PALLD: variants seen among roughly 807,000 people sequenced by gnomAD.
The protein encoded by PALLD is palladin.
In PALLD, 61 loss-of-function variants were observed where a neutral mutation model predicts 123.5. The ratio of observed to expected loss-of-function variants is 0.49; its 90% CI spans 0.40 to 0.61. The LOEUF is 0.61. PALLD is among the 20% of genes least tolerant of loss of function. PALLD has a pLI of 0.00. For synonymous variants in PALLD, 465 were observed against 496.4 expected, an observed-to-expected ratio of 0.94 and a Z score of 0.84; for missense variants, 1,273 against 1,377.0, an observed-to-expected ratio of 0.92 and a Z score of 1.20.
intron 2 of PALLD, among the ~76,000 whole-genome samples, chr4:168,567,400 C>G (rs1026502343): frequency 6.6e-6 from 1 of 151,274 alleles, no homozygotes. Flanking sequence ...CACAAATGGC[C>G]AAAAAACATA....
intron 10 of PALLD, chr4:168,878,301 A>G: frequency 2.0e-6 from 3 of 1,526,986 alleles, no homozygotes; most frequent in Non-Finnish European, 2.6e-6. Flanking sequence ...GGCCACAGCC[A>G]GACGCCCGCG....
In PALLD at chr4:168,913,927, G is replaced by A. The variant is rs2151407432; in HGVS notation, c.2623G>A (p.Gly875Ser). 1 of 1,600,598 alleles carries A rather than the reference G, an allele frequency of 6.2e-7. No individual in the cohort carries two copies. Among genetic ancestry groups the A allele is most frequent in the East Asian group, 2.2e-5 (1 of 44,792 alleles). Residue 875 changes from glycine (G) to serine (S), a missense_variant and splice_region_variant, in exon 16 of 22, where the codon GGC becomes AGC. Gly to Ser is a moderately conservative substitution (Grantham distance 56). This residue lies in a region of PALLD where 329 missense variants were observed against 422.5 expected (regional missense o/e 0.78). Transcript: ENST00000505667. Reference protein sequence around the residue: ...NYTIMAANPQGRISCTGRLMV... With the variant: ...NYTIMAANPQSRISCTGRLMV... ...CATTTATTTCCTGATATTTCTACAG[G>A]GCCGCATCAGTTGTACTGGACGGCT...
intron 10 of PALLD, among the ~76,000 whole-genome samples, chr4:168,725,967 G>A (rs1397215291): frequency 6.6e-6 from 1 of 152,114 alleles, no homozygotes; most frequent in African/African-American, 2.4e-5. Context: ...TTCCCTCATA[G>A]CCACTGCTTT....
At chr4:168,500,739 CA>C (rs1761316862) in intron 1 of PALLD, among the ~76,000 whole-genome samples, 1 of 152,088 alleles carries the variant, frequency 6.6e-6, no homozygotes, top group Non-Finnish European at 1.5e-5. Context: ...AGCTGGCTTT[CA>C]GGTAATCTAT....
At position 168,905,156 on chromosome 4, in the gene PALLD, T is replaced by G. The variant is rs1290159081; in HGVS notation, c.2622+1250T>G. ...TTTGTTGGTTTTTTTTTTTTTTTTT[T>G]TTTTTTTTTTTTGAGATGGAATCTC... On this transcript the variant is annotated intron_variant, in intron 15 of 21. Coordinates refer to ENST00000505667, the MANE Select transcript of PALLD (RefSeq NM_001166108.2). Among the ~76,000 whole-genome samples the G allele has an allele frequency of 6.6e-3, 896 of 136,714 alleles. 20 individuals carry two copies. The highest frequency in any genetic ancestry group is 0.018 in the African/African-American group (682 of 36,994). The allele number at this position is 136,714 out of a possible 152,430, so 89.7% of individuals were successfully genotyped here.
intron 8 of PALLD, among the ~76,000 whole-genome samples, chr4:168,704,872 G>A (rs1209922854): frequency 1.3e-5 from 2 of 152,020 alleles, no homozygotes; most frequent in African/African-American, 4.8e-5. Flanking sequence ...AAAAGATCCT[G>A]TCTTTGTGAT....
chr4:168,637,750 C>A (rs1776489052), intron 2 of PALLD, among the ~76,000 whole-genome samples: 1 of 152,062 alleles, frequency 6.6e-6, no homozygotes, highest in Non-Finnish European at 1.5e-5. Flanking sequence ...TTGAGACCAG[C>A]CTGGCCAGCA....
At chr4:168,797,470 T>G (rs1561534934) in intron 10 of PALLD, among the ~76,000 whole-genome samples, 2 of 152,092 alleles carry the variant, frequency 1.3e-5, no homozygotes, top group African/African-American at 2.4e-5. Context: ...CAGATCACCC[T>G]CAATTACATC....
chr4:168,900,688 A>G (rs1756318144), intron 14 of PALLD, among the ~76,000 whole-genome samples: 1 of 152,216 alleles, frequency 6.6e-6, no homozygotes, highest in Non-Finnish European at 1.5e-5. Context: ...TTGAATTTTC[A>G]AACCCTATAT....
At chr4:168,577,891 C>T (rs1179394449) in intron 2 of PALLD, among the ~76,000 whole-genome samples, 1 of 151,722 alleles carries the variant, frequency 6.6e-6, no homozygotes, top group Non-Finnish European at 1.5e-5. Flanking sequence ...AACAGCTGAA[C>T]AGCTGCCTGG....
At chr4:168,699,986 G>C (rs1783519281) in intron 8 of PALLD, 1 of 219,146 alleles carries the variant, frequency 4.6e-6, no homozygotes, top group African/African-American at 2.3e-5. Flanking sequence ...GTCATTTTCT[G>C]ATTTCCATTC....
chr4:168,600,002 CGT>C (rs1189411887), intron 2 of PALLD, among the ~76,000 whole-genome samples: 49 of 134,026 alleles, frequency 3.7e-4, no homozygotes, highest in African/African-American at 1.3e-3. Context: ...TATACACACA[CGT>C]ATATACATAC....
intron 2 of PALLD, among the ~76,000 whole-genome samples, chr4:168,631,297 T>C (rs139026539): frequency 8.5e-5 from 13 of 152,338 alleles, no homozygotes; most frequent in African/African-American, 3.1e-4. Flanking sequence ...AATTCACTAC[T>C]AGCTGCTTCT....
chr4:168,723,322 A>T (rs1013072059), intron 10 of PALLD, among the ~76,000 whole-genome samples: 1 of 152,230 alleles, frequency 6.6e-6, no homozygotes, highest in African/African-American at 2.4e-5. Context: ...TTTCGTAGTG[A>T]TGGCAAAACT....
intron 10 of PALLD, chr4:168,756,272 C>A: frequency 4.9e-6 from 1 of 203,290 alleles, no homozygotes; most frequent in South Asian, 6.8e-5. Context: ...GAACTTGTTT[C>A]AAATTCAGCT....
chr4:168,593,752 G>A (rs546148969), intron 2 of PALLD, among the ~76,000 whole-genome samples: 2 of 152,306 alleles, frequency 1.3e-5, no homozygotes, highest in South Asian at 2.1e-4. Flanking sequence ...GGAACACTTA[G>A]TGTTACAAAG....
At chr4:168,651,616 T>G (rs1778051195) in intron 2 of PALLD, among the ~76,000 whole-genome samples, 1 of 152,114 alleles carries the variant, frequency 6.6e-6, no homozygotes, top group South Asian at 2.1e-4. Context: ...CTTTAGTCAC[T>G]GGCCAGAAAA....
At chr4:168,569,102 C>A (rs1768710519) in intron 2 of PALLD, among the ~76,000 whole-genome samples, 1 of 151,952 alleles carries the variant, frequency 6.6e-6, no homozygotes, top group African/African-American at 2.4e-5. Context: ...CAGATGTTTA[C>A]AAAAGAAAAA....
In PALLD at chr4:168,896,600, G is replaced by C. The variant is rs749252340; in HGVS notation, c.2250+1G>C. On this transcript the variant is annotated splice_donor_variant, in intron 13 of 21. Transcript: ENST00000505667. LOFTEE classifies it high-confidence loss of function. ...AGGGAGTCCTCTGGATGGTCAAAAG[G>C]TTAAGCTTTTCACCTTTCTTCTCCT... The C allele has an allele frequency of 6.7e-7, 1 of 1,492,350 alleles. No individual in the cohort carries two copies. Among genetic ancestry groups the C allele is most frequent in the East Asian group, 2.5e-5 (1 of 40,540 alleles). 92.4% of individuals were successfully genotyped at this position (1,492,350 alleles called of 1,614,324 possible).
Sources: allele counts gnomAD v4.1 joint callset (sites outside exome capture counted in the v4.1 genomes callset), GRCh38; gene constraint gnomAD v4.1.1; regional missense constraint gnomAD v4.1.1; transcripts MANE v1.5; gene names NCBI Gene and HGNC (gene_info 2026-07-23, HGNC 2026-07-21).